CNNM2: variants seen among roughly 807,000 people sequenced by gnomAD.
CNNM2 encodes the protein metal transporter CNNM2.
CNNM2 carries 12 observed loss-of-function variants against 66.9 expected under a neutral mutation model. The observed-to-expected ratio is 0.18, with a 90% CI of 0.11 to 0.29. CNNM2 has a LOEUF of 0.29. Ranked by LOEUF, CNNM2 falls within the 10% of genes least tolerant of loss-of-function variation. The pLI is 1.00. For synonymous variants in CNNM2, 557 were observed against 501.8 expected (o/e 1.11, Z -1.47); for missense variants, 705 against 1,167.7 (o/e 0.60, Z 5.77).
chr10:102,927,611 A>G, intron 1 of CNNM2: 1 of 650,860 alleles, frequency 1.5e-6, no homozygotes, highest in Non-Finnish European at 2.4e-6. Flanking sequence ...AAAAATACAG[A>G]AAAATTAGCT....
At chr10:103,010,369 C>T (rs186460608) in intron 1 of CNNM2, among the ~76,000 whole-genome samples, 6 of 152,096 alleles carry the variant, frequency 3.9e-5, no homozygotes, top group Non-Finnish European at 7.4e-5. Flanking sequence ...TCCCAGATAG[C>T]TGGGACTACA....
chr10:103,028,833 T>G (rs1373363073), intron 1 of CNNM2, among the ~76,000 whole-genome samples: 67 of 145,964 alleles, frequency 4.6e-4, no homozygotes, highest in African/African-American at 1.6e-3. Flanking sequence ...TTTTTCTTTT[T>G]TTTTTTTTTG....
intron 1 of CNNM2, among the ~76,000 whole-genome samples, chr10:102,957,978 C>T (rs1847107762): frequency 3.3e-5 from 5 of 152,170 alleles, no homozygotes; most frequent in Admixed American, 2.6e-4. Context: ...CTCTTGTCGC[C>T]CAGGCTGGAG....
intron 7 of CNNM2, 118 bp downstream of exon 7, chr10:103,076,388 C>G: frequency 1.0e-6 from 1 of 995,882 alleles, no homozygotes; most frequent in South Asian, 1.6e-5. Context: ...TTTGTGGGTG[C>G]CCTGCCTTCC....
rs2065266336 is a variant in CNNM2, at chr10:103,054,542, G to A, written c.1903+76G>A. 6.6e-7 allele frequency: 1 copy of A among 1,505,126 alleles called. No individual in the cohort carries two copies. Among genetic ancestry groups the A allele is most frequent in the Non-Finnish European group, 9.1e-7 (1 of 1,103,372 alleles). The allele number at this position is 1,505,126 out of a possible 1,614,324, so 93.2% of individuals were successfully genotyped here. On this transcript the variant is annotated intron_variant, in intron 3 of 7. Coordinates refer to ENST00000369878, the MANE Select transcript of CNNM2 (RefSeq NM_017649.5). This position sits in a 1 kb window ranked among gnomAD's most constrained non-coding sequence, Gnocchi z 5.2. ...TTCTCACCCACCACTGACTGGGGTGGGTTGGGGGTGGACACTGGGAAATGG... is the reference window on the plus strand; with the variant it reads ...TTCTCACCCACCACTGACTGGGGTGAGTTGGGGGTGGACACTGGGAAATGG...
intron 1 of CNNM2, among the ~76,000 whole-genome samples, chr10:102,966,558 C>T (rs111798837): frequency 3.6e-4 from 55 of 152,240 alleles, no homozygotes; most frequent in African/African-American, 1.2e-3. Context: ...ACCTGGGAGA[C>T]GGAGGCTGCA....
chr10:103,046,441 C>T (rs908918327), intron 1 of CNNM2, among the ~76,000 whole-genome samples: 7 of 152,222 alleles, frequency 4.6e-5, no homozygotes, highest in South Asian at 2.1e-4. Context: ...TTCACAAAAA[C>T]TTGCAACCTG....
intron 2 of CNNM2, among the ~76,000 whole-genome samples, chr10:103,051,849 G>C (rs1017570641): frequency 2.0e-5 from 3 of 152,152 alleles, no homozygotes; most frequent in Non-Finnish European, 4.4e-5. Context: ...CCTCACATCT[G>C]AATAGCATTC....
At chr10:103,064,141 T>TA (rs1216481753) in intron 4 of CNNM2, among the ~76,000 whole-genome samples, 5 of 152,350 alleles carry the variant, frequency 3.3e-5, no homozygotes, top group African/African-American at 1.2e-4. Context: ...AGGTACCCTT[T>TA]AATCTGTTGC....
Position 102,934,887 on chromosome 10 carries a change from G to A in CNNM2, c.1621+14786G>A, listed in dbSNP as rs371854310. Among the ~76,000 whole-genome samples the A allele has an allele frequency of 4.0e-5, 6 of 151,454 alleles. No homozygotes were observed. In the East Asian group the frequency reaches 9.8e-4, roughly 25 times the overall value. On this transcript the variant is annotated intron_variant, in intron 1 of 7. Coordinates refer to ENST00000369878, the MANE Select transcript of CNNM2 (RefSeq NM_017649.5). ...TTAAAAATGATTTTGGGCTGGGCAT[G>A]GTGGCTCATGCCTGTAATCCCAGCA...
intron 1 of CNNM2, among the ~76,000 whole-genome samples, chr10:103,023,063 C>G (rs540162535): frequency 1.3e-5 from 2 of 152,124 alleles, no homozygotes; most frequent in African/African-American, 4.8e-5. Flanking sequence ...CCACCACACT[C>G]GGCTAATTTT....
Position 103,078,091 on chromosome 10 carries a change from C to G in CNNM2, c.*911C>G, listed in dbSNP as rs1306800290. 7 of 152,444 alleles carry G rather than the reference C, an allele frequency of 4.6e-5. No homozygotes were observed. Among genetic ancestry groups the G allele is most frequent in the Admixed American group, 4.6e-4 (7 of 15,274 alleles). 9.4% of individuals were successfully genotyped at this position (152,444 alleles called of 1,614,324 possible). On this transcript the variant is annotated 3_prime_UTR_variant, in exon 8 of 8. Transcript: ENST00000369878. ...TCCCTGGTCCTTGCTCTTGTTAACC[C>G]AAGATGCTGCTACACAGATGCCAAA...
At chr10:103,024,822 GC>G (rs1205267861) in intron 1 of CNNM2, among the ~76,000 whole-genome samples, 1 of 152,192 alleles carries the variant, frequency 6.6e-6, no homozygotes, top group African/African-American at 2.4e-5. Flanking sequence ...TTTGTAGAGT[GC>G]CCTACATTTG....
At chr10:102,955,005 C>G (rs142868066) in intron 1 of CNNM2, among the ~76,000 whole-genome samples, 335 of 152,284 alleles carry the variant, frequency 2.2e-3, no homozygotes, top group African/African-American at 7.5e-3. Flanking sequence ...CAATGACTTT[C>G]TTCACAGAAT....
At chr10:103,040,451 C>T (rs1384572738) in intron 1 of CNNM2, among the ~76,000 whole-genome samples, 1 of 151,894 alleles carries the variant, frequency 6.6e-6, no homozygotes, top group Non-Finnish European at 1.5e-5. Context: ...TGAGCCCTGC[C>T]CTAGGAACAT....
At chr10:102,934,613 A>G (rs1376206783) in intron 1 of CNNM2, among the ~76,000 whole-genome samples, 2 of 151,986 alleles carry the variant, frequency 1.3e-5, no homozygotes, top group African/African-American at 2.4e-5. Context: ...TCTTTCTACT[A>G]TTTAGAGTGG....
intron 1 of CNNM2, among the ~76,000 whole-genome samples, chr10:102,923,736 T>G (rs1174630578): frequency 6.6e-6 from 1 of 152,214 alleles, no homozygotes; most frequent in Non-Finnish European, 1.5e-5. Context: ...GTCTAAAGAA[T>G]TGTGTTGACA....
intron 1 of CNNM2, 90 bp from the exon 2 acceptor site, chr10:103,049,617 G>A: frequency 8.6e-7 from 1 of 1,167,256 alleles, no homozygotes; most frequent in South Asian, 1.5e-5. Flanking sequence ...TTCGACATCT[G>A]TGTTTGCTGG....
In CNNM2 at chr10:102,968,466, C is replaced by T. The variant is rs144583501; in HGVS notation, c.1621+48365C>T. On this transcript the variant is annotated intron_variant, in intron 1 of 7. Transcript: ENST00000369878. Reference sequence around the variant, plus strand: ...TTCACCATATTGACCAGGCTTGTCTCGAACTCCTAACCTTGTGATCTGCCC... The same window carrying T: ...TTCACCATATTGACCAGGCTTGTCTTGAACTCCTAACCTTGTGATCTGCCC... 0.011 allele frequency among the ~76,000 whole-genome samples: 1,684 copies of T among 152,170 alleles called. 28 individuals are homozygous for T. Among genetic ancestry groups the T allele is most frequent in the African/African-American group, 0.035 (1,450 of 41,500 alleles).
Sources: gnomAD v4.1 joint callset for allele counts (sites outside exome capture counted in the v4.1 genomes callset) on GRCh38, gnomAD v4.1.1 for gene constraint, Gnocchi (gnomAD v3.1) non-coding constraint, MANE v1.5 for transcripts, NCBI Gene and HGNC (gene_info 2026-07-23, HGNC 2026-07-21) for gene names.